Variants in CHRM3 observed in about 807,000 individuals in gnomAD.
The protein encoded by CHRM3 is muscarinic acetylcholine receptor M3.
A neutral mutation model predicts 41.8 loss-of-function variants in CHRM3; 11 were observed. That is an observed-to-expected ratio of 0.26 (90% CI 0.17 to 0.44). CHRM3 has a LOEUF of 0.44. CHRM3 is among the 20% of genes least tolerant of loss of function. The pLI, the probability that CHRM3 is intolerant of heterozygous loss-of-function variation, is 1.00. For synonymous variants in CHRM3, 297 were observed against 301.4 expected, an observed-to-expected ratio of 0.99 and a Z score of 0.15; for missense variants, 571 against 745.4, an observed-to-expected ratio of 0.77 and a Z score of 2.72.
intron 4 of CHRM3, among the ~76,000 whole-genome samples, chr1:239,652,443 T>C (rs976153591): frequency 6.6e-6 from 1 of 151,606 alleles, no homozygotes; most frequent in Non-Finnish European, 1.5e-5. Context: ...TAAATACTAC[T>C]ATGAGAGATA....
chr1:239,611,593 T>G (rs529263791), intron 3 of CHRM3, among the ~76,000 whole-genome samples: 86 of 151,906 alleles, frequency 5.7e-4, no homozygotes, highest in Admixed American at 1.1e-3. Flanking sequence ...GCTAACTTTT[T>G]TATTTTTAGT....
In CHRM3 at chr1:239,909,218, C is replaced by T. The variant is rs1680217991; in HGVS notation, c.1767C>T (p.Ala589=). 6.2e-7 allele frequency: 1 copy of T among 1,601,898 alleles called. No individual in the cohort carries two copies. The highest frequency in any genetic ancestry group is 8.5e-7 in the Non-Finnish European group (1 of 1,174,796). ...TTCACAAGCGCGCACCCGAGCAGGC[C>T]TTGTAGAATGAGGTTGTATCAATAG... ...VIFHKRAPEQ[A]L Residue 589 remains alanine (A), a synonymous_variant, in exon 7 of 7, where the codon GCC becomes GCT. Transcript: ENST00000676153.
At chr1:239,857,489 G>T (rs1675217467) in intron 6 of CHRM3, among the ~76,000 whole-genome samples, 1 of 152,032 alleles carries the variant, frequency 6.6e-6, no homozygotes, top group Non-Finnish European at 1.5e-5. Context: ...CTTTGTGTGA[G>T]GTGTGTCTGT....
chr1:239,512,915 A>G (rs1669019032), intron 2 of CHRM3, among the ~76,000 whole-genome samples: 1 of 151,914 alleles, frequency 6.6e-6, no homozygotes. Flanking sequence ...AAGCTCTCCC[A>G]TCATTCTTGG....
At chr1:239,400,691 C>T (rs1365265362) in intron 1 of CHRM3, among the ~76,000 whole-genome samples, 2 of 152,052 alleles carry the variant, frequency 1.3e-5, no homozygotes, top group Non-Finnish European at 1.5e-5. Context: ...CTCCCAAGTG[C>T]GTTTGTTGAA....
intron 2 of CHRM3, among the ~76,000 whole-genome samples, chr1:239,518,138 A>G (rs899377951): frequency 1.3e-5 from 2 of 152,172 alleles, no homozygotes; most frequent in African/African-American, 4.8e-5. Context: ...AACAACCACA[A>G]ACCATTTCCA....
At chr1:239,568,375 G>A (rs1004443677) in intron 3 of CHRM3, among the ~76,000 whole-genome samples, 5 of 152,106 alleles carry the variant, frequency 3.3e-5, no homozygotes, top group African/African-American at 1.2e-4. Flanking sequence ...TGTTTTATAA[G>A]GGGAGACCCT....
intron 4 of CHRM3, among the ~76,000 whole-genome samples, chr1:239,643,719 C>T (rs1344890592): frequency 1.3e-5 from 2 of 152,216 alleles, no homozygotes; most frequent in Admixed American, 6.5e-5. Flanking sequence ...CCTTGCGCTT[C>T]CCAAGTGAGG....
intron 6 of CHRM3, among the ~76,000 whole-genome samples, chr1:239,888,427 A>C (rs1055398128): frequency 4.6e-5 from 7 of 151,884 alleles, no homozygotes; most frequent in African/African-American, 1.5e-4. Context: ...CCTGTCACTC[A>C]AAAAACATTT....
chr1:239,771,701 C>T (rs958701965), intron 5 of CHRM3, among the ~76,000 whole-genome samples: 9 of 152,176 alleles, frequency 5.9e-5, no homozygotes, highest in African/African-American at 1.4e-4. Flanking sequence ...GTCATAATTA[C>T]TCAACTTTGC....
intron 5 of CHRM3, among the ~76,000 whole-genome samples, chr1:239,680,545 T>A (rs967699820): frequency 1.3e-5 from 2 of 152,120 alleles, no homozygotes; most frequent in Non-Finnish European, 1.5e-5. Context: ...TTACATAGGA[T>A]CAAAGGGATG....
chr1:239,473,070 T>C (rs1392000306), intron 1 of CHRM3, among the ~76,000 whole-genome samples: 1 of 152,044 alleles, frequency 6.6e-6, no homozygotes, highest in Non-Finnish European at 1.5e-5. Context: ...AAACTGGCTA[T>C]GTATAAACAC....
At chr1:239,644,212 C>T (rs375854321) in intron 4 of CHRM3, among the ~76,000 whole-genome samples, 38 of 152,158 alleles carry the variant, frequency 2.5e-4, no homozygotes, top group East Asian at 1.4e-3. Flanking sequence ...ACTAAAAGAG[C>T]ATATCAGCTG....
chr1:239,502,649 C>A (rs529217082), intron 2 of CHRM3, among the ~76,000 whole-genome samples: 1 of 152,076 alleles, frequency 6.6e-6, no homozygotes, highest in Non-Finnish European at 1.5e-5. Context: ...AACTACAGAC[C>A]GATAACCTTG....
chr1:239,588,876 T>G (rs1313424165), intron 3 of CHRM3, among the ~76,000 whole-genome samples: 1 of 152,252 alleles, frequency 6.6e-6, no homozygotes, highest in Admixed American at 6.5e-5. Context: ...CTTGTTAAAT[T>G]TACCTTGGAC....
At chr1:239,447,026 C>T (rs965442544) in intron 1 of CHRM3, among the ~76,000 whole-genome samples, 1 of 152,068 alleles carries the variant, frequency 6.6e-6, no homozygotes, top group African/African-American at 2.4e-5. Flanking sequence ...AGTAACAGGG[C>T]TCTAAGCAAT....
At chr1:239,465,760 G>A (rs918734509) in intron 1 of CHRM3, among the ~76,000 whole-genome samples, 4 of 152,114 alleles carry the variant, frequency 2.6e-5, no homozygotes, top group Admixed American at 2.0e-4. Flanking sequence ...CTTGAACAAC[G>A]TGGGTTTGAA....
intron 6 of CHRM3, among the ~76,000 whole-genome samples, chr1:239,879,007 G>A (rs1051547969): frequency 7.9e-5 from 12 of 152,120 alleles, no homozygotes; most frequent in South Asian, 4.1e-4. Context: ...ACTCCTTTAC[G>A]TCAGGGGTTT....
intron 4 of CHRM3, among the ~76,000 whole-genome samples, chr1:239,634,504 T>A (rs1021322473): frequency 2.7e-5 from 4 of 149,876 alleles, no homozygotes; most frequent in African/African-American, 9.8e-5. Flanking sequence ...GAATTGCCTA[T>A]GAAAGCTGGT....
Sources: allele counts gnomAD v4.1 joint callset (sites outside exome capture counted in the v4.1 genomes callset), GRCh38; gene constraint gnomAD v4.1.1; transcripts MANE v1.5; gene names NCBI Gene and HGNC (gene_info 2026-07-23, HGNC 2026-07-21).